NSD2: variants seen among roughly 807,000 people sequenced by gnomAD.
NSD2 encodes nuclear receptor binding SET domain protein 2.
NSD2 carries 12 observed loss-of-function variants against 139.0 expected under a neutral mutation model. The ratio of observed to expected loss-of-function variants is 0.09; its 90% CI spans 0.06 to 0.14. NSD2 has a LOEUF of 0.14. NSD2 is among the 10% of genes least tolerant of loss of function. NSD2 has a pLI of 1.00. For synonymous variants in NSD2, 669 were observed against 648.7 expected, an observed-to-expected ratio of 1.03 and a Z score of -0.48; for missense variants, 1,155 against 1,745.0, an observed-to-expected ratio of 0.66 and a Z score of 6.02.
intron 9 of NSD2, chr4:1,943,904 G>T: frequency 9.4e-7 from 1 of 1,063,690 alleles, no homozygotes; most frequent in South Asian, 4.6e-5. Context: ...CAGCCAGCTA[G>T]CCCATAACTG....
At chr4:1,942,000 C>T (rs1173347790) in intron 9 of NSD2, 2 of 1,123,128 alleles carry the variant, frequency 1.8e-6, no homozygotes, top group Admixed American at 4.5e-5. Flanking sequence ...CACTGACACA[C>T]ACCCATTGGG....
Position 1,955,864 on chromosome 4 carries a change from A to C in NSD2, c.2675+15A>C, listed in dbSNP as rs535311084. The C allele has an allele frequency of 1.4e-4, 231 of 1,612,596 alleles. 2 individuals are homozygous for C. The South Asian group carries it at 2.4e-3, about 17-fold the overall frequency. On this transcript the variant is annotated intron_variant, in intron 14 of 21. Transcript: ENST00000508803. The surrounding 1 kb of genome is among the most constrained non-coding windows in gnomAD (Gnocchi z 4.7). Reference sequence around the variant, plus strand: ...GGGAACTACAGGTGTGAGACATAGAATCGTATGCTTTTATGTCTTTTCTGT... The same window carrying C: ...GGGAACTACAGGTGTGAGACATAGACTCGTATGCTTTTATGTCTTTTCTGT...
chr4:1,887,610 G>A (rs983671723), intron 1 of NSD2: 1 of 152,350 alleles, frequency 6.6e-6, no homozygotes, highest in Admixed American at 6.6e-5. Context: ...CAAAGTGCTG[G>A]GATTACAGGT....
At chr4:1,894,328 T>C (rs1426724142) in intron 1 of NSD2, among the ~76,000 whole-genome samples, 1 of 152,192 alleles carries the variant, frequency 6.6e-6, no homozygotes, top group Non-Finnish European at 1.5e-5. Context: ...TTTCATTTAT[T>C]TTGCTCAGAA....
intron 9 of NSD2, chr4:1,941,345 G>C (rs1723074445): frequency 9.5e-7 from 1 of 1,052,212 alleles, no homozygotes; most frequent in Non-Finnish European, 1.1e-6. Flanking sequence ...GTACAGTAGA[G>C]AGAACATGGA....
chr4:1,899,732 C>T (rs1716911948), intron 1 of NSD2, among the ~76,000 whole-genome samples: 1 of 152,232 alleles, frequency 6.6e-6, no homozygotes, highest in African/African-American at 2.4e-5. Flanking sequence ...GAAGACCCCA[C>T]ACCAGCATGC....
At chr4:1,937,016 A>C (rs1004696513) in intron 7 of NSD2, among the ~76,000 whole-genome samples, 4 of 151,506 alleles carry the variant, frequency 2.6e-5, no homozygotes, top group Admixed American at 1.3e-4. Flanking sequence ...GTTTGTAGTT[A>C]CCAGGAAGCC....
At chr4:1,919,393 A>G (rs1719831173) in intron 5 of NSD2, among the ~76,000 whole-genome samples, 1 of 152,106 alleles carries the variant, frequency 6.6e-6, no homozygotes, top group Admixed American at 6.6e-5. Flanking sequence ...AAGGGTAGCA[A>G]TGTGATTAAG....
intron 18 of NSD2, among the ~76,000 whole-genome samples, chr4:1,967,243 G>T (rs1725980559): frequency 6.6e-6 from 1 of 152,190 alleles, no homozygotes; most frequent in Admixed American, 6.5e-5. Flanking sequence ...TGGAAAATCT[G>T]AATAGACTTA....
chr4:1,913,250 C>T lies in NSD2; in HGVS notation c.761-3621C>T, dbSNP rs143218504. ...GGTAACGCCAGTGCCTGGGAAGGCACCTGTTACTTAGCCGACCTTGGTCTA... is the reference window on the plus strand; with the variant it reads ...GGTAACGCCAGTGCCTGGGAAGGCATCTGTTACTTAGCCGACCTTGGTCTA... On this transcript the variant is annotated intron_variant, in intron 3 of 21. Transcript: ENST00000508803. Among the ~76,000 whole-genome samples, 355 of 152,336 alleles carry T rather than the reference C, an allele frequency of 2.3e-3. 2 individuals carry two copies. Among genetic ancestry groups the T allele is most frequent in the African/African-American group, 8.2e-3 (340 of 41,576 alleles).
At chr4:1,886,317 G>T (rs138060967) in intron 1 of NSD2, among the ~76,000 whole-genome samples, 3 of 152,000 alleles carry the variant, frequency 2.0e-5, no homozygotes, top group Non-Finnish European at 4.4e-5. Flanking sequence ...GGCAATTCTC[G>T]TGCCTCAGTC....
chr4:1,933,038 C>CCACGGGCTTCTTCCCCAGACTGCCTTTG (rs1281393395), intron 6 of NSD2, among the ~76,000 whole-genome samples: 31 of 152,212 alleles, frequency 2.0e-4, no homozygotes, highest in Non-Finnish European at 2.9e-4. Flanking sequence ...GCCGAGCATT[C>CCACGGGCTTCTTCCCCAGACTGCCTTTG]CACGGGCTTC....
Position 1,955,370 on chromosome 4 carries a change from C to T in NSD2, c.2518+30C>T, listed in dbSNP as rs570933509. ...GGGGCCTGGGGGTGTCTGCGGCACACGCCTCTCACACTCCCAGGAGCCACA... is the reference window on the plus strand; with the variant it reads ...GGGGCCTGGGGGTGTCTGCGGCACATGCCTCTCACACTCCCAGGAGCCACA... On this transcript the variant is annotated intron_variant, in intron 13 of 21. Transcript: ENST00000508803. This position sits in a 1 kb window ranked among gnomAD's most constrained non-coding sequence, Gnocchi z 4.7. 34 of 1,586,238 alleles carry T rather than the reference C, an allele frequency of 2.1e-5. No homozygotes were observed. Among genetic ancestry groups the T allele is most frequent in the South Asian group, 5.6e-5 (5 of 89,336 alleles).
intron 18 of NSD2, among the ~76,000 whole-genome samples, chr4:1,965,607 A>C (rs1261598850): frequency 6.6e-6 from 1 of 152,236 alleles, no homozygotes; most frequent in Non-Finnish European, 1.5e-5. Flanking sequence ...ATTACATGCA[A>C]GGTGTATTAG....
rs144185132 is a variant in NSD2, at chr4:1,955,333, C to T, written c.2511C>T (p.Cys837=). ...TCAACGTGAGCTGGTGCTTCGTGTG[C>T]TCCAAAGGTGAGGGGCCTGGGGGTG... is the stretch of plus-strand genomic sequence containing the variant. ...AHVNVSWCFV[C]SKGGSLLCCE... is the part of the protein sequence containing the mutation. Residue 837 remains cysteine (C), a synonymous_variant, in exon 13 of 22, where the codon TGC becomes TGT. Transcript: ENST00000508803. This position sits in a 1 kb window ranked among gnomAD's most constrained non-coding sequence, Gnocchi z 4.7. The T allele has an allele frequency of 1.7e-5, 27 of 1,611,752 alleles. No homozygotes were observed. In the African/African-American group the frequency reaches 2.8e-4, roughly 17 times the overall value.
At position 1,904,142 on chromosome 4, in the gene NSD2, T is replaced by G. The variant is rs1577398523; in HGVS notation, c.598-74T>G. ...TGTGTATTTGGACATTGTAGCCTGG[T>G]GAATCCTTGGTCTTCTGGATACACA... On this transcript the variant is annotated intron_variant, in intron 2 of 21. Transcript: ENST00000508803. 6 of 1,516,754 alleles carry G rather than the reference T, an allele frequency of 4.0e-6. No individual in the cohort carries two copies. In the East Asian group the frequency reaches 1.4e-4, roughly 35 times the overall value. 94.0% of individuals were successfully genotyped at this position (1,516,754 alleles called of 1,614,324 possible). A position where few individuals can be genotyped will look rare whatever the true frequency, so the allele number is the denominator to read the frequency against.
intron 3 of NSD2, among the ~76,000 whole-genome samples, chr4:1,906,455 G>T (rs148688095): frequency 1.3e-5 from 2 of 151,758 alleles, no homozygotes; most frequent in African/African-American, 2.4e-5. Flanking sequence ...TGCCCAGTTG[G>T]TCTCAAACTC....
At chr4:1,946,316 T>C in intron 9 of NSD2, 1 of 731,826 alleles carries the variant, frequency 1.4e-6, no homozygotes, top group Non-Finnish European at 1.7e-6. Context: ...CAGGCTGGAG[T>C]GCAGTAAGTG....
At chr4:1,872,637 C>CGAGAGAGCGAGAGA (rs1375337847) in intron 1 of NSD2, among the ~76,000 whole-genome samples, 2 of 81,746 alleles carry the variant, frequency 2.4e-5, no homozygotes, top group African/African-American at 8.6e-5. Flanking sequence ...AGAGAGAGAG[C>CGAGAGAGCGAGAGA]GCGCAGACCC....
Sources: gnomAD v4.1 joint callset for allele counts (sites outside exome capture counted in the v4.1 genomes callset) on GRCh38, gnomAD v4.1.1 for gene constraint, Gnocchi (gnomAD v3.1) non-coding constraint, MANE v1.5 for transcripts, NCBI Gene and HGNC (gene_info 2026-07-23, HGNC 2026-07-21) for gene names.